The following ASB7 variants were observed in gnomAD, a reference collection of about 807,000 sequenced individuals.
The protein encoded by ASB7 is ankyrin repeat and SOCS box protein 7.
ASB7 carries 4 observed loss-of-function variants against 32.5 expected under a neutral mutation model. That is an observed-to-expected ratio of 0.12 (90% CI 0.06 to 0.28). ASB7 has a LOEUF of 0.28. Among genes scored for constraint, ASB7 ranks in the 10% least tolerant of loss-of-function variants. The pLI is 1.00. For missense variants in ASB7, 181 were observed against 407.1 expected, an observed-to-expected ratio of 0.44 and a Z score of 4.78; for synonymous variants, 172 against 155.6, an observed-to-expected ratio of 1.11 and a Z score of -0.78.
rs1237863850 is a variant in ASB7, at chr15:100,612,230, A to G, written c.14A>G (p.His5Arg). Residue 5 changes from histidine (H) to arginine (R), a missense_variant, in exon 4 of 6, where the codon CAT becomes CGT. Transcript: ENST00000332783. ...GACTCAGCTAGGATGTTACACCATCATTGTCGAAGGAACCCTGAGCTCCAG... is the reference window on the plus strand; with the variant it reads ...GACTCAGCTAGGATGTTACACCATCGTTGTCGAAGGAACCCTGAGCTCCAG... MLHH[H>R]CRRNPELQEE... is the part of the protein sequence containing the mutation. 1.9e-6 allele frequency: 3 copies of G among 1,613,726 alleles called. No individual in the cohort carries two copies. Among genetic ancestry groups the G allele is most frequent in the Non-Finnish European group, 2.5e-6 (3 of 1,179,684 alleles).
intron 2 of ASB7, among the ~76,000 whole-genome samples, chr15:100,607,359 A>G (rs2141385631): frequency 6.6e-6 from 1 of 152,184 alleles, no homozygotes; most frequent in East Asian, 1.9e-4. Flanking sequence ...TCTTTTCTTC[A>G]TTTATACACG....
chr15:100,614,214 C>T (rs2039721372), intron 4 of ASB7, among the ~76,000 whole-genome samples: 1 of 147,524 alleles, frequency 6.8e-6, no homozygotes, highest in South Asian at 2.1e-4. Context: ...GTGGAGGTTG[C>T]AGTGAGCTGA....
chr15:100,649,782 T>G lies in ASB7; in HGVS notation c.*1320T>G, dbSNP rs1262796426. The stretch of plus-strand genomic sequence containing the variant: ...CCTCAGAAACGTATTCTGGCTTGAT[T>G]TGTGTTATTAACTTCAGAAGAACCT... On this transcript the variant is annotated 3_prime_UTR_variant, in exon 6 of 6. Transcript: ENST00000332783. 1 of 152,246 alleles carries G rather than the reference T, an allele frequency of 6.6e-6. No homozygotes were observed. Among genetic ancestry groups the G allele is most frequent in the Non-Finnish European group, 1.5e-5 (1 of 68,048 alleles). 9.4% of individuals were successfully genotyped at this position (152,246 alleles called of 1,614,324 possible).
chr15:100,643,907 T>TCCTCTTCTG (rs1162885095), intron 5 of ASB7, among the ~76,000 whole-genome samples: 1 of 152,198 alleles, frequency 6.6e-6, no homozygotes, highest in African/African-American at 2.4e-5. Context: ...GTCAACTCTT[T>TCCTCTTCTG]CCTCTTCTGT....
chr15:100,635,600 G>T (rs112444139), intron 5 of ASB7, among the ~76,000 whole-genome samples: 110 of 152,302 alleles, frequency 7.2e-4, no homozygotes, highest in African/African-American at 2.5e-3. Context: ...AAGCAGCCTC[G>T]TTGGAGAGAG....
chr15:100,610,449 C>T (rs1294942500), intron 3 of ASB7, among the ~76,000 whole-genome samples: 4 of 151,196 alleles, frequency 2.6e-5, no homozygotes, highest in Admixed American at 1.3e-4. Flanking sequence ...GAGCTCAGAT[C>T]GCGCCACTGC....
chr15:100,628,551 G>A (rs1384267846), intron 4 of ASB7, among the ~76,000 whole-genome samples: 1 of 152,102 alleles, frequency 6.6e-6, no homozygotes, highest in African/African-American at 2.4e-5. Context: ...GGAGGTGCCC[G>A]GCATAACCAG....
intron 4 of ASB7, among the ~76,000 whole-genome samples, chr15:100,614,867 C>T (rs759813306): frequency 1.3e-5 from 2 of 152,062 alleles, no homozygotes; most frequent in African/African-American, 2.4e-5. Context: ...GTTGGACAAG[C>T]TTGGGCTATA....
intron 2 of ASB7, among the ~76,000 whole-genome samples, chr15:100,603,748 C>T (rs1033595306): frequency 3.9e-5 from 6 of 152,210 alleles, no homozygotes; most frequent in Admixed American, 6.5e-5. Flanking sequence ...CACCTTTCTT[C>T]TACCTGCATC....
chr15:100,642,519 G>T (rs545009282), intron 5 of ASB7, among the ~76,000 whole-genome samples: 1 of 152,196 alleles, frequency 6.6e-6, no homozygotes, highest in African/African-American at 2.4e-5. Flanking sequence ...CAACCAACAG[G>T]CTTCTTAAAG....
intron 5 of ASB7, among the ~76,000 whole-genome samples, chr15:100,641,749 T>G (rs190140229): frequency 8.5e-5 from 13 of 152,364 alleles, no homozygotes; most frequent in Non-Finnish European, 1.8e-4. Context: ...GGCCCTCTAC[T>G]TTTTTGGTAA....
At chr15:100,632,028 G>A (rs1183542144) in intron 5 of ASB7, among the ~76,000 whole-genome samples, 1 of 152,256 alleles carries the variant, frequency 6.6e-6, no homozygotes, top group Non-Finnish European at 1.5e-5. Flanking sequence ...CCGCTGGGCA[G>A]GACAAGCACG....
At chr15:100,634,420 T>C (rs1351522164) in intron 5 of ASB7, among the ~76,000 whole-genome samples, 1 of 152,184 alleles carries the variant, frequency 6.6e-6, no homozygotes, top group Non-Finnish European at 1.5e-5. Context: ...AAACCCCACC[T>C]CAGAATGCTT....
Position 100,649,896 on chromosome 15 carries a change from G to A in ASB7, c.*1434G>A, listed in dbSNP as rs548614736. On this transcript the variant is annotated 3_prime_UTR_variant, in exon 6 of 6. Coordinates refer to ENST00000332783, the MANE Select transcript of ASB7 (RefSeq NM_198243.3). The stretch of plus-strand genomic sequence containing the variant: ...ATTTGTTATCAGAAGTTTACAAGAC[G>A]AAGGGCTTCTCTCGTCTGAATTTCT... 9 of 152,346 alleles carry A rather than the reference G, an allele frequency of 5.9e-5. No individual in the cohort carries two copies. Among genetic ancestry groups the A allele is most frequent in the Admixed American group, 3.3e-4 (5 of 15,306 alleles). The allele number at this position is 152,346 out of a possible 1,614,324, so 9.4% of individuals were successfully genotyped here. A position where few individuals can be genotyped will look rare whatever the true frequency, so the allele number is the denominator to read the frequency against.
At position 100,648,407 on chromosome 15, in the gene ASB7, T is replaced by G; in HGVS notation, c.902T>G (p.Leu301Arg). 6.2e-7 allele frequency: 1 copy of G among 1,609,774 alleles called. No homozygotes were observed. Among genetic ancestry groups the G allele is most frequent in the Non-Finnish European group, 8.5e-7 (1 of 1,176,152 alleles). Residue 301 changes from leucine (L) to arginine (R), a missense_variant, in exon 6 of 6, where the codon CTA becomes CGA. Leu to Arg is a moderately radical substitution (Grantham distance 102). Coordinates refer to ENST00000332783, the MANE Select transcript of ASB7 (RefSeq NM_198243.3). ...GLQNLKLLDE[L>R]PIAKVMKDYL... ...CAAAACCTAAAGCTACTTGATGAAC[T>G]ACCAATTGCCAAGGTCATGAAAGAC...
intron 4 of ASB7, 199 bp downstream of exon 4, chr15:100,612,626 G>T: frequency 1.7e-6 from 1 of 606,024 alleles, no homozygotes; most frequent in Non-Finnish European, 2.9e-6. Context: ...TTTATGAATG[G>T]ATTCTTTTCC....
chr15:100,624,267 T>C (rs2039818437), intron 4 of ASB7, among the ~76,000 whole-genome samples: 1 of 152,188 alleles, frequency 6.6e-6, no homozygotes, highest in African/African-American at 2.4e-5. Flanking sequence ...TTAACAACAA[T>C]GTATTATGTA....
At chr15:100,604,086 A>G (rs976976447) in intron 2 of ASB7, among the ~76,000 whole-genome samples, 1 of 152,238 alleles carries the variant, frequency 6.6e-6, no homozygotes, top group Admixed American at 6.5e-5. Context: ...CGTTTGACTC[A>G]GGAATTTAAA....
In ASB7 at chr15:100,648,369, A is replaced by T; in HGVS notation, c.864A>T (p.Gln288His). The T allele has an allele frequency of 3.1e-6, 5 of 1,611,268 alleles. No individual in the cohort carries two copies. Among genetic ancestry groups the T allele is most frequent in the Non-Finnish European group, 4.2e-6 (5 of 1,178,318 alleles). ...ACCTGTGCCGAATTAAAATTCGACA[A>T]TGTATAGGCCTTCAAAACCTAAAGC... ...LQDLCRIKIRQCIGLQNLKLL... is the reference protein window; with the variant it reads ...LQDLCRIKIRHCIGLQNLKLL... The change falls in exon 6 of 6, where the codon CAA becomes CAT. Residue 288 changes from glutamine (Q) to histidine (H), a missense_variant. By Grantham distance (24) the Gln-to-His change is conservative. Coordinates refer to ENST00000332783, the MANE Select transcript of ASB7 (RefSeq NM_198243.3).
Sources: allele counts gnomAD v4.1 joint callset (sites outside exome capture counted in the v4.1 genomes callset), GRCh38; gene constraint gnomAD v4.1.1; transcripts MANE v1.5; gene names NCBI Gene and HGNC (gene_info 2026-07-23, HGNC 2026-07-21).